Variants in NKD1 observed in about 807,000 individuals in gnomAD.
NKD1 encodes NKD inhibitor of Wnt signaling pathway 1.
A neutral mutation model predicts 56.0 loss-of-function variants in NKD1; 21 were observed. That is an observed-to-expected ratio of 0.38 (90% CI 0.27 to 0.54). NKD1 has a LOEUF of 0.54. Ranked by LOEUF, NKD1 falls within the 20% of genes least tolerant of loss-of-function variation. The pLI, the probability that NKD1 is intolerant of heterozygous loss-of-function variation, is 0.82. For synonymous variants in NKD1, 263 were observed against 265.7 expected, an observed-to-expected ratio of 0.99 and a Z score of 0.10; for missense variants, 578 against 642.7, an observed-to-expected ratio of 0.90 and a Z score of 1.09.
chr16:50,565,595 G>A lies in NKD1; in HGVS notation c.192+16040G>A, dbSNP rs573658590. Among the ~76,000 whole-genome samples, 12 of 152,138 alleles carry A rather than the reference G, an allele frequency of 7.9e-5. 1 individual carries two copies. The highest frequency in any genetic ancestry group is 1.3e-4 in the Admixed American group (2 of 15,284). On this transcript the variant is annotated intron_variant, in intron 3 of 9. Transcript: ENST00000268459. ...TCCCAGCTACTTAGGAGGCTGAGGCGGGAGGATGGTTTGGGGCCAGGAGTT... is the reference window on the plus strand; with the variant it reads ...TCCCAGCTACTTAGGAGGCTGAGGCAGGAGGATGGTTTGGGGCCAGGAGTT...
intron 3 of NKD1, chr16:50,575,079 A>G: frequency 1.0e-6 from 1 of 985,122 alleles, no homozygotes; most frequent in Non-Finnish European, 1.2e-6. Flanking sequence ...TTGTTTCATG[A>G]CACCAGTAAG....
intron 1 of NKD1, 50 bp downstream of exon 1, chr16:50,548,628 C>T (rs1322048216): frequency 6.9e-7 from 1 of 1,446,208 alleles, no homozygotes; most frequent in East Asian, 3.0e-5. Flanking sequence ...GCCGTCGCCG[C>T]CGCGGTCGCT....
At chr16:50,620,641 G>T (rs565819411) in intron 4 of NKD1, among the ~76,000 whole-genome samples, 1 of 152,162 alleles carries the variant, frequency 6.6e-6, no homozygotes, top group African/African-American at 2.4e-5. Flanking sequence ...AGATGTCTCC[G>T]GCAAACCCCA....
rs1962729352 is a variant in NKD1 at position 50,648,921 on chromosome 16, C to A, written c.*15140C>A. 1 of 152,210 alleles carries A rather than the reference C, an allele frequency of 6.6e-6. No homozygotes were observed. The highest frequency in any genetic ancestry group is 1.5e-5 in the Non-Finnish European group (1 of 68,050). The allele number at this position is 152,210 out of a possible 1,614,324, so 9.4% of individuals were successfully genotyped here. A position where few individuals can be genotyped will look rare whatever the true frequency, so the allele number is the denominator to read the frequency against. On this transcript the variant is annotated 3_prime_UTR_variant, in exon 10 of 10. Coordinates refer to ENST00000268459, the MANE Select transcript of NKD1 (RefSeq NM_033119.5). Reference sequence around the variant, plus strand: ...AGAGATGTGGAGTGGCTAAAAGAAGCCTGTGTTCCTGAGAACTTAGAGGAC... The same window carrying A: ...AGAGATGTGGAGTGGCTAAAAGAAGACTGTGTTCCTGAGAACTTAGAGGAC...
chr16:50,646,175 G>A lies in NKD1; in HGVS notation c.*12394G>A, dbSNP rs1468964087. ...TCTATTAGGCATGCTCTAGCAAAAA[G>A]AAAGGCAAATCCAATGATAATGTAC... is the stretch of plus-strand genomic sequence containing the variant. On this transcript the variant is annotated 3_prime_UTR_variant, in exon 10 of 10. Transcript: ENST00000268459. The A allele has an allele frequency of 6.6e-6, 1 of 152,178 alleles. No homozygotes were observed. Among genetic ancestry groups the A allele is most frequent in the African/African-American group, 2.4e-5 (1 of 41,446 alleles). The allele number at this position is 152,178 out of a possible 1,614,324, so 9.4% of individuals were successfully genotyped here.
intron 3 of NKD1, 74 bp downstream of exon 3, chr16:50,549,629 C>T: frequency 2.9e-6 from 4 of 1,390,966 alleles, no homozygotes; most frequent in Middle Eastern, 3.7e-4. Flanking sequence ...ACCCATGCAC[C>T]CCAACTTTGA....
intron 3 of NKD1, among the ~76,000 whole-genome samples, chr16:50,578,075 C>T (rs1012047217): frequency 1.3e-5 from 2 of 152,276 alleles, no homozygotes; most frequent in East Asian, 3.9e-4. Flanking sequence ...TGGACCAGTC[C>T]AATACAGGTA....
Position 50,638,505 on chromosome 16 carries a change from A to G in NKD1, c.*4724A>G, listed in dbSNP as rs1325146431. On this transcript the variant is annotated 3_prime_UTR_variant, in exon 10 of 10. Transcript: ENST00000268459. ...GGGCCTCATTTTGCAGAGCAAAGAC[A>G]GATGTTTCAGCCACACGCTTTATTA... is the stretch of plus-strand genomic sequence containing the variant. 1.3e-5 allele frequency: 2 copies of G among 152,274 alleles called. No individual in the cohort carries two copies. The highest frequency in any genetic ancestry group is 4.8e-5 in the African/African-American group (2 of 41,448). The allele number at this position is 152,274 out of a possible 1,614,324, so 9.4% of individuals were successfully genotyped here.
chr16:50,548,598 C>T lies in NKD1; in HGVS notation c.25+20C>T. ...AGCCGGGTCAGTGCCCCCGCCCGCG[C>T]GCTCGCCCCGGGCCCCGCCGCCGTC... On this transcript the variant is annotated intron_variant, in intron 1 of 9. Coordinates refer to ENST00000268459, the MANE Select transcript of NKD1 (RefSeq NM_033119.5). 2.1e-6 allele frequency: 3 copies of T among 1,457,152 alleles called. No homozygotes were observed. Among genetic ancestry groups the T allele is most frequent in the Non-Finnish European group, 2.7e-6 (3 of 1,110,654 alleles). The allele number at this position is 1,457,152 out of a possible 1,614,324, so 90.3% of individuals were successfully genotyped here.
chr16:50,578,587 T>G (rs1412160630), intron 3 of NKD1, among the ~76,000 whole-genome samples: 1 of 152,176 alleles, frequency 6.6e-6, no homozygotes, highest in Non-Finnish European at 1.5e-5. Flanking sequence ...AGTGCTCTGC[T>G]GAGAGACTCA....
intron 4 of NKD1, among the ~76,000 whole-genome samples, chr16:50,621,294 C>T (rs764850402): frequency 2.3e-4 from 35 of 152,230 alleles, no homozygotes; most frequent in African/African-American, 7.7e-4. Context: ...TCTCATCCAT[C>T]TGCCCTCTGG....
At chr16:50,592,581 G>T (rs147986907) in intron 3 of NKD1, among the ~76,000 whole-genome samples, 6 of 152,340 alleles carry the variant, frequency 3.9e-5, no homozygotes, top group African/African-American at 1.4e-4. Flanking sequence ...TGTCCTCAAC[G>T]AGTTTAGCCG....
In NKD1 at chr16:50,598,262, T is replaced by TGCGC. The variant is rs1555489626; in HGVS notation, c.193-10029_193-10026dup. Among the ~76,000 whole-genome samples, 5 of 148,662 alleles carry TGCGC rather than the reference T, an allele frequency of 3.4e-5. No individual in the cohort carries two copies. Among genetic ancestry groups the TGCGC allele is most frequent in the East Asian group, 2.0e-4 (1 of 5,084 alleles). On this transcript the variant is annotated intron_variant, in intron 3 of 9. Coordinates refer to ENST00000268459, the MANE Select transcript of NKD1 (RefSeq NM_033119.5). This position sits in a 1 kb window ranked among gnomAD's most constrained non-coding sequence, Gnocchi z 4.2. ...GTGTGTGTGTGTGTGTGTGTGTGTG[T>TGCGC]GCGCGCACACCTGTGCTCATGGACA...
At chr16:50,587,162 A>G (rs188987112) in intron 3 of NKD1, among the ~76,000 whole-genome samples, 1 of 152,338 alleles carries the variant, frequency 6.6e-6, no homozygotes, top group East Asian at 1.9e-4. Flanking sequence ...GGTCATCCCT[A>G]TACCAGGGTC....
chr16:50,553,345 C>T (rs117878715), intron 3 of NKD1, among the ~76,000 whole-genome samples: 1 of 152,350 alleles, frequency 6.6e-6, no homozygotes, highest in East Asian at 1.9e-4. Flanking sequence ...CCTTTTGTTC[C>T]TTTACAGCAG....
At chr16:50,574,757 C>T (rs1326712073) in intron 3 of NKD1, 3 of 985,306 alleles carry the variant, frequency 3.0e-6, no homozygotes, top group South Asian at 4.7e-5. Flanking sequence ...AAATGGCTCC[C>T]TCTCCCTTTT....
rs933017576 is a variant in NKD1, at chr16:50,573,768, G to T, written c.192+24213G>T. 1.0e-5 allele frequency: 10 copies of T among 969,818 alleles called. No homozygotes were observed. The Admixed American group carries it at 3.1e-4, about 30-fold the overall frequency. The allele number at this position is 969,818 out of a possible 1,614,324, so 60.1% of individuals were successfully genotyped here. A position where few individuals can be genotyped will look rare whatever the true frequency, so the allele number is the denominator to read the frequency against. On this transcript the variant is annotated intron_variant, in intron 3 of 9. Transcript: ENST00000268459. ...AGCTTGGGGAAAATTGAATAACCTG[G>T]GTTCAGCTCCTGGTGATTCTGATTC...
At chr16:50,600,794 G>A (rs2151273785) in intron 3 of NKD1, among the ~76,000 whole-genome samples, 1 of 152,274 alleles carries the variant, frequency 6.6e-6, no homozygotes, top group Non-Finnish European at 1.5e-5. Flanking sequence ...AGGGAGTATG[G>A]TGGTTTCAGA....
chr16:50,602,654 C>T (rs868419735), intron 3 of NKD1, among the ~76,000 whole-genome samples: 2 of 152,212 alleles, frequency 1.3e-5, no homozygotes, highest in East Asian at 1.9e-4. Context: ...TGTCGTCTTC[C>T]GCATGTTCAC....
Sources: allele counts gnomAD v4.1 joint callset (sites outside exome capture counted in the v4.1 genomes callset), GRCh38; gene constraint gnomAD v4.1.1; non-coding constraint Gnocchi (gnomAD v3.1); transcripts MANE v1.5; gene names NCBI Gene and HGNC (gene_info 2026-07-23, HGNC 2026-07-21).